Variants in MCTP2 observed in about 807,000 individuals in gnomAD.
The protein encoded by MCTP2 is multiple C2 and transmembrane domain-containing protein 2.
In MCTP2, 132 loss-of-function variants were observed where a neutral mutation model predicts 111.6. The ratio of observed to expected loss-of-function variants is 1.18; its 90% CI spans 1.03 to 1.37. MCTP2 has a LOEUF of 1.37. Ranked by LOEUF, MCTP2 falls within the 40% of genes most tolerant of loss-of-function variation. The pLI is 0.00. For synonymous variants in MCTP2, 395 were observed against 387.7 expected (o/e 1.02, Z -0.22); for missense variants, 1,183 against 1,067.9 (o/e 1.11, Z -1.50).
chr15:94,408,419 T>C (rs1165377570), intron 17 of MCTP2, among the ~76,000 whole-genome samples: 1 of 152,246 alleles, frequency 6.6e-6, no homozygotes, highest in Non-Finnish European at 1.5e-5. Context: ...TGGCATCTTA[T>C]GGTTTTAACA....
chr15:94,304,144 T>A (rs1414535620), intron 2 of MCTP2, among the ~76,000 whole-genome samples: 1 of 152,188 alleles, frequency 6.6e-6, no homozygotes, highest in East Asian at 1.9e-4. Flanking sequence ...GAGAATTAAA[T>A]ACTTTGAAGA....
At chr15:94,428,973 T>C (rs1470573531) in intron 17 of MCTP2, among the ~76,000 whole-genome samples, 3 of 152,142 alleles carry the variant, frequency 2.0e-5, no homozygotes, top group Admixed American at 2.0e-4. Flanking sequence ...ATTACACTTC[T>C]ATAATCCACT....
At chr15:94,421,436 T>C (rs1383317934) in intron 17 of MCTP2, among the ~76,000 whole-genome samples, 1 of 152,218 alleles carries the variant, frequency 6.6e-6, no homozygotes, top group Non-Finnish European at 1.5e-5. Flanking sequence ...AAATGTATTA[T>C]CTTACAGTGC....
chr15:94,458,708 T>C (rs1353490164), intron 20 of MCTP2, among the ~76,000 whole-genome samples: 2 of 152,184 alleles, frequency 1.3e-5, no homozygotes, highest in Non-Finnish European at 2.9e-5. Flanking sequence ...AATGTGAAGT[T>C]AAGTCACCAC....
intron 17 of MCTP2, among the ~76,000 whole-genome samples, chr15:94,409,714 C>T (rs1484556841): frequency 6.6e-6 from 1 of 151,950 alleles, no homozygotes; most frequent in African/African-American, 2.4e-5. Context: ...CCTCTTTCCT[C>T]CTCTCTCTTC....
chr15:94,309,312 TAGAC>T (rs1487161570), intron 2 of MCTP2, among the ~76,000 whole-genome samples: 1 of 152,198 alleles, frequency 6.6e-6, no homozygotes, highest in Non-Finnish European at 1.5e-5. Flanking sequence ...ATATTCTAGA[TAGAC>T]AAGATACGGG....
At chr15:94,389,001 A>G (rs1283544112) in intron 14 of MCTP2, among the ~76,000 whole-genome samples, 2 of 152,184 alleles carry the variant, frequency 1.3e-5, no homozygotes, top group African/African-American at 2.4e-5. Flanking sequence ...CAGGAGGGAC[A>G]CAGACTTGAA....
chr15:94,329,439 A>G (rs1422968564), intron 4 of MCTP2, among the ~76,000 whole-genome samples: 1 of 152,224 alleles, frequency 6.6e-6, no homozygotes, highest in Non-Finnish European at 1.5e-5. Flanking sequence ...CACAGGCTGT[A>G]CAGGAAGCAT....
At chr15:94,232,884 G>GGCGTGAACCCGGGAGGCGGAGCT in intron 1 of MCTP2, among the ~76,000 whole-genome samples, 1 of 152,152 alleles carries the variant, frequency 6.6e-6, no homozygotes, top group Admixed American at 6.5e-5. Flanking sequence ...AATTAGCTCT[G>GGCGTGAACCCGGGAGGCGGAGCT]TGCCAAGCAC....
At chr15:94,244,514 CTA>C (rs1207957318) in intron 1 of MCTP2, among the ~76,000 whole-genome samples, 7 of 139,770 alleles carry the variant, frequency 5.0e-5, no homozygotes, top group African/African-American at 5.5e-5. Flanking sequence ...ACATATGCAC[CTA>C]TATTTATATT....
chr15:94,297,679 TTCTG>T (rs2075337450), intron 1 of MCTP2, among the ~76,000 whole-genome samples: 3 of 152,208 alleles, frequency 2.0e-5, no homozygotes, highest in Non-Finnish European at 2.9e-5. Context: ...CATTTAGGTA[TTCTG>T]TCTGTCTCCT....
chr15:94,325,120 C>G (rs1426207383), intron 4 of MCTP2, among the ~76,000 whole-genome samples: 1 of 152,094 alleles, frequency 6.6e-6, no homozygotes, highest in African/African-American at 2.4e-5. Context: ...CTGAAGAGTG[C>G]TGGATGGTGG....
chr15:94,284,113 G>A (rs2074633610), intron 1 of MCTP2, among the ~76,000 whole-genome samples: 1 of 152,136 alleles, frequency 6.6e-6, no homozygotes, highest in African/African-American at 2.4e-5. Flanking sequence ...TAAAATATAT[G>A]CGACCTACAA....
At chr15:94,331,491 G>A (rs1263652282) in intron 4 of MCTP2, among the ~76,000 whole-genome samples, 1 of 152,124 alleles carries the variant, frequency 6.6e-6, no homozygotes, top group African/African-American at 2.4e-5. Flanking sequence ...GTGGGGCTGA[G>A]GAAGTTCAGG....
At chr15:94,286,108 G>T (rs1020688005) in intron 1 of MCTP2, among the ~76,000 whole-genome samples, 1 of 152,150 alleles carries the variant, frequency 6.6e-6, no homozygotes, top group Non-Finnish European at 1.5e-5. Context: ...CAGGGAAATG[G>T]TTTGTTTATC....
intron 19 of MCTP2, among the ~76,000 whole-genome samples, chr15:94,447,804 A>G (rs1276183134): frequency 6.6e-6 from 1 of 152,268 alleles, no homozygotes. Context: ...AAAAAGCCAG[A>G]GAGTATCTTT....
chr15:94,329,906 C>T (rs921046044), intron 4 of MCTP2, among the ~76,000 whole-genome samples: 1 of 152,198 alleles, frequency 6.6e-6, no homozygotes, highest in Non-Finnish European at 1.5e-5. Flanking sequence ...GGTCTCCAGA[C>T]TCACTCATCT....
In MCTP2 at chr15:94,480,839, C is replaced by A. The variant is rs1430998629; in HGVS notation, c.*1805C>A. On this transcript the variant is annotated 3_prime_UTR_variant, in exon 23 of 23. Transcript: ENST00000357742. The stretch of plus-strand genomic sequence containing the variant: ...AGAATTTCAAAATGAAATTATTTGC[C>A]CGACAAGAAGGCATCATTAGTTAGA... The A allele has an allele frequency of 6.6e-6, 1 of 152,068 alleles. No individual in the cohort carries two copies. Among genetic ancestry groups the A allele is most frequent in the Non-Finnish European group, 1.5e-5 (1 of 68,016 alleles). The allele number at this position is 152,068 out of a possible 1,614,324, so 9.4% of individuals were successfully genotyped here. A position where few individuals can be genotyped will look rare whatever the true frequency, so the allele number is the denominator to read the frequency against.
At chr15:94,470,277 C>T (rs1416572159) in intron 20 of MCTP2, 56 bp from the exon 21 acceptor site, 2 of 1,202,036 alleles carry the variant, frequency 1.7e-6, no homozygotes, top group East Asian at 4.7e-5. Context: ...GACAAGTTGA[C>T]TCTGTGGCAG....
Sources: allele counts gnomAD v4.1 joint callset (sites outside exome capture counted in the v4.1 genomes callset), GRCh38; gene constraint gnomAD v4.1.1; transcripts MANE v1.5; gene names NCBI Gene and HGNC (gene_info 2026-07-23, HGNC 2026-07-21).